Variants in PTCH1 observed in about 807,000 individuals in gnomAD.
PTCH1 encodes patched 1.
A neutral mutation model predicts 144.6 loss-of-function variants in PTCH1; 14 were observed. The observed-to-expected ratio is 0.10, with a 90% CI of 0.06 to 0.15. The LOEUF is 0.15. Among genes scored for constraint, PTCH1 ranks in the 10% least tolerant of loss-of-function variants. The pLI is 1.00. For synonymous variants in PTCH1, 833 were observed against 793.6 expected, an observed-to-expected ratio of 1.05 and a Z score of -0.83; for missense variants, 1,623 against 1,948.3, an observed-to-expected ratio of 0.83 and a Z score of 3.14.
At chr9:95,504,159 T>C (rs1310543468) in intron 2 of PTCH1, among the ~76,000 whole-genome samples, 1 of 148,718 alleles carries the variant, frequency 6.7e-6, no homozygotes, top group South Asian at 2.3e-4. Flanking sequence ...ACAGTATTAG[T>C]ACTGAGTAAA....
At chr9:95,516,519 C>T in exon 1 of PTCH1, 1 of 1,540,730 alleles carries the variant, frequency 6.5e-7, no homozygotes. Flanking sequence ...ATGGCGCGGA[C>T]GCTGGGCTTG....
chr9:95,479,059 T>A lies in PTCH1; in HGVS notation c.1156A>T (p.Asn386Tyr), dbSNP rs1244878972. ...FKGYEYVSHI[N>Y]WNEDKAAAIL... ...GCTGCCGCTTTGTCCTCGTTCCAGT[T>A]GATGTGTGAGACATACTCGTACCCC... Residue 386 changes from asparagine (N) to tyrosine (Y), a missense_variant, in exon 8 of 24, where the codon AAC becomes TAC. Physicochemically the swap from Asn to Tyr is moderately radical, Grantham distance 143 (BLOSUM62 -2). This residue lies in a region of PTCH1 where 230 missense variants were observed against 271.0 expected (regional missense o/e 0.85). Transcript: ENST00000331920. The A allele has an allele frequency of 6.2e-7, 1 of 1,614,218 alleles. No homozygotes were observed. Among genetic ancestry groups the A allele is most frequent in the Non-Finnish European group, 8.5e-7 (1 of 1,180,044 alleles).
rs538126594 is a variant in PTCH1, at chr9:95,443,817, A to G, written c.*2576T>C. 16 of 152,756 alleles carry G rather than the reference A, an allele frequency of 1.0e-4. No individual in the cohort carries two copies. The highest frequency in any genetic ancestry group is 3.6e-4 in the African/African-American group (15 of 41,572). 9.5% of individuals were successfully genotyped at this position (152,756 alleles called of 1,614,324 possible). A position where few individuals can be genotyped will look rare whatever the true frequency, so the allele number is the denominator to read the frequency against. On this transcript the variant is annotated 3_prime_UTR_variant, in exon 24 of 24. Coordinates refer to ENST00000331920, the MANE Select transcript of PTCH1 (RefSeq NM_000264.5). ...TTATCTTTGTAATTGAAATGACACA[A>G]ACTCATTTCCACCAAAATTGGCAAT...
At chr9:95,499,552 C>T (rs538827841) in intron 2 of PTCH1, among the ~76,000 whole-genome samples, 172 of 151,516 alleles carry the variant, frequency 1.1e-3, no homozygotes, top group African/African-American at 4.1e-3. Context: ...TGGGAGCCAG[C>T]GAGGGGCACA....
Position 95,506,480 on chromosome 9 carries a change from G to A in PTCH1, c.321C>T (p.Leu107=), listed in dbSNP as rs757524974. Residue 107 remains leucine (L), a synonymous_variant, in exon 2 of 24, where the codon CTC becomes CTT. Coordinates refer to ENST00000331920, the MANE Select transcript of PTCH1 (RefSeq NM_000264.5). ...NCGKFLVVGL[L]IFGAFAVGLK... is the part of the protein sequence containing the mutation. ...ATCCCACCGCGAAGGCCCCAAATATGAGGAGGCCCACAACCAAGAACTTGC... is the reference window on the plus strand; with the variant it reads ...ATCCCACCGCGAAGGCCCCAAATATAAGGAGGCCCACAACCAAGAACTTGC... 1.2e-6 allele frequency: 2 copies of A among 1,613,682 alleles called. No homozygotes were observed. Among genetic ancestry groups the A allele is most frequent in the East Asian group, 4.5e-5 (2 of 44,842 alleles).
At chr9:95,506,251 TCCCGGCCAGGCG>T (rs1322017722) in intron 2 of PTCH1, 144 bp downstream of exon 2, 1 of 863,178 alleles carries the variant, frequency 1.2e-6, no homozygotes, top group Non-Finnish European at 1.7e-6. Context: ...CGGGCCTGGC[TCCCGGCCAGGCG>T]CCCAAACAAT....
At chr9:95,480,204 G>A in intron 6 of PTCH1, 114 bp from the exon 7 acceptor site, 1 of 1,560,818 alleles carries the variant, frequency 6.4e-7, no homozygotes, top group Non-Finnish European at 8.8e-7. Flanking sequence ...TAATAGCAAG[G>A]CTAATGGGAG....
chr9:95,462,204 G>A (rs567301883), intron 15 of PTCH1, among the ~76,000 whole-genome samples: 1 of 152,118 alleles, frequency 6.6e-6, no homozygotes, highest in South Asian at 2.1e-4. Flanking sequence ...CTGCTCAAAA[G>A]GGGGGAAGGA....
intron 19 of PTCH1, among the ~76,000 whole-genome samples, chr9:95,454,233 C>T (rs184464373): frequency 2.5e-4 from 38 of 152,330 alleles, no homozygotes; most frequent in African/African-American, 8.9e-4. Context: ...GCCAGAAATG[C>T]TGTTGATAAC....
In PTCH1 at chr9:95,447,307, T is replaced by G. The variant is rs1482005246; in HGVS notation, c.3949A>C (p.Arg1317=). 1 of 1,612,914 alleles carries G rather than the reference T, an allele frequency of 6.2e-7. No homozygotes were observed. Among genetic ancestry groups the G allele is most frequent in the South Asian group, 1.1e-5 (1 of 91,080 alleles). ...PREGLWPPPY[R]PRRDAFEIST... ...ATTTCAAAAGCGTCTCTGCGCGGTC[T>G]GTAGGGGGGTGGCCACAAGCCTTCT... Residue 1317 remains arginine, a synonymous_variant, in exon 23 of 24, where the codon AGA becomes CGA. Transcript: ENST00000331920.
intron 2 of PTCH1, among the ~76,000 whole-genome samples, chr9:95,502,047 C>A (rs906196595): frequency 6.6e-6 from 1 of 152,124 alleles, no homozygotes; most frequent in Non-Finnish European, 1.5e-5. Context: ...CCCTGAGGGA[C>A]GAGCCCAGCT....
At chr9:95,470,370 G>A (rs1840455543) in intron 12 of PTCH1, among the ~76,000 whole-genome samples, 1 of 152,104 alleles carries the variant, frequency 6.6e-6, no homozygotes, top group African/African-American at 2.4e-5. Context: ...ATATCAAAAT[G>A]TCCCCCTTTA....
At chr9:95,511,322 T>C (rs1452773022), upstream of PTCH1, among the ~76,000 whole-genome samples, 3 of 150,028 alleles carry the variant, frequency 2.0e-5, no homozygotes, top group Non-Finnish European at 3.0e-5. Flanking sequence ...TCCCTCAATC[T>C]CCCCTCCCCC....
intron 12 of PTCH1, among the ~76,000 whole-genome samples, chr9:95,475,641 C>T (rs184213448): frequency 5.3e-5 from 8 of 152,036 alleles, no homozygotes; most frequent in African/African-American, 1.4e-4. Flanking sequence ...AAGTGGGCAG[C>T]GGGAGAGGGG....
At position 95,476,773 on chromosome 9, in the gene PTCH1, T is replaced by C. The variant is rs2118280387; in HGVS notation, c.1588A>G (p.Arg530Gly). The change falls in exon 11 of 24, where the codon AGA becomes GGA. Residue 530 changes from arginine to glycine, a missense_variant. This residue lies in a region of PTCH1 where 135 missense variants were observed against 228.7 expected (regional missense o/e 0.59). Transcript: ENST00000331920. This position sits in a 1 kb window ranked among gnomAD's most constrained non-coding sequence, Gnocchi z 4.6. ...TTTTGCATTACCTCAAAAGGGATTC[T>C]TTTATTCTGTCCTGTTTCACTGAAG... Reference protein sequence around the residue: ...HAFSETGQNKRIPFEDRTGEC... With the variant: ...HAFSETGQNKGIPFEDRTGEC... 6.2e-7 allele frequency: 1 copy of C among 1,613,906 alleles called. No individual in the cohort carries two copies. Among genetic ancestry groups the C allele is most frequent in the Non-Finnish European group, 8.5e-7 (1 of 1,179,796 alleles).
chr9:95,454,237 T>C (rs750463542), intron 19 of PTCH1, among the ~76,000 whole-genome samples: 1 of 152,208 alleles, frequency 6.6e-6, no homozygotes, highest in Non-Finnish European at 1.5e-5. Context: ...GAAATGCTGT[T>C]GATAACTAAA....
Position 95,504,022 on chromosome 9 carries a change from CAAAAAAAAAAAAAAAAAAAAAAA to C in PTCH1, c.394+2362_394+2384del, listed in dbSNP as rs58747037. Among the ~76,000 whole-genome samples, 23 of 6,722 alleles carry C rather than the reference CAAAAAAAAAAAAAAAAAAAAAAA, an allele frequency of 3.4e-3. 1 individual carries two copies. In the South Asian group the frequency reaches 0.036, roughly 11 times the overall value. The allele number at this position is 6,722 out of a possible 152,430, so 4.4% of individuals were successfully genotyped here. On this transcript the variant is annotated intron_variant, in intron 2 of 23. Transcript: ENST00000331920. The stretch of plus-strand genomic sequence containing the variant: ...TGGGCGACAGAGCGAGACTCCGTCT[CAAAAAAAAAAAAAAAAAAAAAAA>C]AAAAAAAAAAAAAAAAAAAGATAAT...
At chr9:95,482,293 G>T in intron 3 of PTCH1, 90 bp from the exon 4 acceptor site, 2 of 1,256,856 alleles carry the variant, frequency 1.6e-6, no homozygotes, top group Non-Finnish European at 2.3e-6. Flanking sequence ...AAAAAGAACT[G>T]CAATTTCGAT....
intron 20 of PTCH1, 175 bp from the exon 21 acceptor site, chr9:95,450,115 T>C: frequency 1.5e-6 from 1 of 672,312 alleles, no homozygotes; most frequent in East Asian, 2.7e-5. Context: ...TTGCTTTTTG[T>C]TTCTTTACCT....
Sources: gnomAD v4.1 joint callset for allele counts (sites outside exome capture counted in the v4.1 genomes callset) on GRCh38, gnomAD v4.1.1 for gene constraint, gnomAD v4.1.1 regional missense constraint, Gnocchi (gnomAD v3.1) non-coding constraint, MANE v1.5 for transcripts, NCBI Gene and HGNC (gene_info 2026-07-23, HGNC 2026-07-21) for gene names.